The following PLA2G12A variants were observed in gnomAD, a reference collection of about 807,000 sequenced individuals.
PLA2G12A encodes group XIIA secretory phospholipase A2.
Under a neutral mutation model 16.0 loss-of-function variants are expected in PLA2G12A, and 11 were observed. The ratio of observed to expected loss-of-function variants is 0.69; its 90% CI spans 0.43 to 1.13. The LOEUF (loss-of-function observed/expected upper bound fraction) is 1.13, where lower values mean the gene tolerates loss of function less well. PLA2G12A is among the 50% of genes most tolerant of loss of function. The probability of loss-of-function intolerance (pLI) is 0.00; values close to 1 mark genes in which losing one functional copy is unlikely to be tolerated. For missense variants in PLA2G12A, 214 were observed against 237.3 expected (o/e 0.90, Z 0.65); for synonymous variants, 77 against 93.8 (o/e 0.82, Z 1.03).
At position 109,712,236 on chromosome 4, in the gene PLA2G12A, A is replaced by T. The variant is rs1016964351; in HGVS notation, c.*2141T>A. The T allele has an allele frequency of 6.6e-6, 1 of 152,234 alleles. No individual in the cohort carries two copies. The highest frequency in any genetic ancestry group is 6.5e-5 in the Admixed American group (1 of 15,276). 9.4% of individuals were successfully genotyped at this position (152,234 alleles called of 1,614,324 possible). On this transcript the variant is annotated 3_prime_UTR_variant, in exon 4 of 4. Coordinates refer to ENST00000243501, the MANE Select transcript of PLA2G12A (RefSeq NM_030821.5). ...TGCTTCATGGTTAAATAAAAGGTTA[A>T]CACTGGGGGAACTGGGTGAGTGGTC...
intron 1 of PLA2G12A, among the ~76,000 whole-genome samples, chr4:109,726,782 C>T (rs182930194): frequency 6.6e-6 from 1 of 152,196 alleles, no homozygotes; most frequent in Admixed American, 6.5e-5. Flanking sequence ...ATTTATTTCC[C>T]TAAATACTTA....
chr4:109,719,577 C>T (rs1730885947), intron 1 of PLA2G12A, among the ~76,000 whole-genome samples: 1 of 152,198 alleles, frequency 6.6e-6, no homozygotes, highest in African/African-American at 2.4e-5. Context: ...AGAAACACCT[C>T]ACCTCATTTA....
chr4:109,723,732 C>T (rs532707328), intron 1 of PLA2G12A, among the ~76,000 whole-genome samples: 1 of 152,220 alleles, frequency 6.6e-6, no homozygotes, highest in East Asian at 1.9e-4. Context: ...TAGAGATACA[C>T]ACTAAGAAAT....
intron 3 of PLA2G12A, among the ~76,000 whole-genome samples, chr4:109,716,044 C>T (rs1380946148): frequency 6.6e-6 from 1 of 152,180 alleles, no homozygotes; most frequent in Non-Finnish European, 1.5e-5. Flanking sequence ...AGTGGAGAGG[C>T]TATGACTATT....
intron 1 of PLA2G12A, among the ~76,000 whole-genome samples, chr4:109,724,228 C>A (rs1456950577): frequency 6.6e-6 from 1 of 152,140 alleles, no homozygotes; most frequent in Non-Finnish European, 1.5e-5. Context: ...TGGGTTCAAG[C>A]GATTCTTCTG....
intron 1 of PLA2G12A, among the ~76,000 whole-genome samples, chr4:109,723,682 G>A (rs1227975175): frequency 1.3e-5 from 2 of 152,172 alleles, no homozygotes; most frequent in African/African-American, 4.8e-5. Context: ...TTCGTCAGGG[G>A]TTTTGACAAT....
rs941028809 is a variant in PLA2G12A, at chr4:109,729,988, G to C, written c.-179C>G. On this transcript the variant is annotated 5_prime_UTR_variant, in exon 1 of 4. Transcript: ENST00000243501. ...CGCTGTCTTTACGTGAACCGCCTCG[G>C]GCAGGCAGCGCCGTCGCGGGGACGC... is the stretch of plus-strand genomic sequence containing the variant. 1 of 567,920 alleles carries C rather than the reference G, an allele frequency of 1.8e-6. No homozygotes were observed. Among genetic ancestry groups the C allele is most frequent in the Non-Finnish European group, 2.9e-6 (1 of 339,204 alleles). 35.2% of individuals were successfully genotyped at this position (567,920 alleles called of 1,614,324 possible).
In PLA2G12A at chr4:109,714,006, A is replaced by G. The variant is rs1018117252; in HGVS notation, c.*371T>C. 1 of 171,508 alleles carries G rather than the reference A, an allele frequency of 5.8e-6. No homozygotes were observed. Among genetic ancestry groups the G allele is most frequent in the African/African-American group, 2.4e-5 (1 of 42,196 alleles). The allele number at this position is 171,508 out of a possible 1,614,324, so 10.6% of individuals were successfully genotyped here. ...CATTTTCCAAATAAGATAATGTTGA[A>G]CAGACATTATGATGAATTTTATATT... On this transcript the variant is annotated 3_prime_UTR_variant, in exon 4 of 4. Transcript: ENST00000243501.
At chr4:109,720,507 G>A (rs1042651201) in intron 1 of PLA2G12A, among the ~76,000 whole-genome samples, 1 of 145,022 alleles carries the variant, frequency 6.9e-6, no homozygotes, top group African/African-American at 2.6e-5. Context: ...CACTTTGGGA[G>A]GTTGAGGTGC....
chr4:109,723,986 A>T (rs1722869267), intron 1 of PLA2G12A, among the ~76,000 whole-genome samples: 1 of 152,174 alleles, frequency 6.6e-6, no homozygotes, highest in Non-Finnish European at 1.5e-5. Flanking sequence ...GACACCTTGT[A>T]CATTCTCCCT....
At chr4:109,720,149 A>G (rs1730897025) in intron 1 of PLA2G12A, among the ~76,000 whole-genome samples, 1 of 152,190 alleles carries the variant, frequency 6.6e-6, no homozygotes, top group African/African-American at 2.4e-5. Flanking sequence ...TTGGGGAAAC[A>G]GAAAAATAAG....
rs574317447 is a variant in PLA2G12A at position 109,711,597 on chromosome 4, T to G, written c.*2780A>C. 1 of 152,160 alleles carries G rather than the reference T, an allele frequency of 6.6e-6. No individual in the cohort carries two copies. Among genetic ancestry groups the G allele is most frequent in the Non-Finnish European group, 1.5e-5 (1 of 68,034 alleles). 9.4% of individuals were successfully genotyped at this position (152,160 alleles called of 1,614,324 possible). On this transcript the variant is annotated 3_prime_UTR_variant, in exon 4 of 4. Transcript: ENST00000243501. ...ATACAAAATATACATGAGTCCATACTGATGTAAACAAATTAGGGTGGGAGG... is the reference window on the plus strand; with the variant it reads ...ATACAAAATATACATGAGTCCATACGGATGTAAACAAATTAGGGTGGGAGG...
intron 1 of PLA2G12A, among the ~76,000 whole-genome samples, chr4:109,724,364 C>T (rs1281618132): frequency 6.6e-6 from 1 of 151,948 alleles, no homozygotes; most frequent in Non-Finnish European, 1.5e-5. Flanking sequence ...ACAGGTGATC[C>T]GCCTGCCTCA....
chr4:109,716,480 C>A (rs1730829287), intron 3 of PLA2G12A, among the ~76,000 whole-genome samples: 1 of 152,138 alleles, frequency 6.6e-6, no homozygotes, highest in Non-Finnish European at 1.5e-5. Context: ...ATGTTATTTT[C>A]CTTTCCTGCC....
chr4:109,717,501 C>T (rs368353492), intron 3 of PLA2G12A, 47 bp downstream of exon 3: 1 of 1,550,306 alleles, frequency 6.5e-7, no homozygotes, highest in Non-Finnish European at 8.9e-7. Context: ...GCATTTGATA[C>T]AACTTTAAAA....
In PLA2G12A at chr4:109,729,882, G is replaced by A. The variant is rs1275062626; in HGVS notation, c.-73C>T. On this transcript the variant is annotated 5_prime_UTR_variant, in exon 1 of 4. Transcript: ENST00000243501. The stretch of plus-strand genomic sequence containing the variant: ...CGTCCCCACAGAGTCCCCAGGACGC[G>A]CTAGGCAGCGGCGCGGGCCCCGGAC... 9 of 1,343,674 alleles carry A rather than the reference G, an allele frequency of 6.7e-6. No individual in the cohort carries two copies. The South Asian group carries it at 1.4e-4, about 20-fold the overall frequency. 83.2% of individuals were successfully genotyped at this position (1,343,674 alleles called of 1,614,324 possible). A position where few individuals can be genotyped will look rare whatever the true frequency, so the allele number is the denominator to read the frequency against.
intron 1 of PLA2G12A, among the ~76,000 whole-genome samples, chr4:109,721,955 G>A (rs1730953128): frequency 1.3e-5 from 2 of 151,956 alleles, no homozygotes; most frequent in South Asian, 4.2e-4. Flanking sequence ...AGCCACAATG[G>A]ATTATTGCTA....
Position 109,717,590 on chromosome 4 carries a change from G to A in PLA2G12A, c.409C>T (p.Arg137Ter), listed in dbSNP as rs1296033628. 10 of 1,613,794 alleles carry A rather than the reference G, an allele frequency of 6.2e-6. No homozygotes were observed. Among genetic ancestry groups the A allele is most frequent in the Admixed American group, 5.0e-5 (3 of 60,012 alleles). Residue 137 changes from arginine (R) to a stop codon, truncating the protein, a stop_gained, in exon 3 of 4, where the codon CGA (arginine) becomes TGA (stop). Transcript: ENST00000243501. LOFTEE classifies it high-confidence loss of function. Reference protein sequence around the residue: ...EFQYCLSKICRDVQKTLGLTQ... With the variant: ...EFQYCLSKIC Reference sequence around the variant, plus strand: ...AGTCCTAGTGTTTTCTGTACATCTCGGCAGATCTTGGAGAGGCAATACTGG... The same window carrying A: ...AGTCCTAGTGTTTTCTGTACATCTCAGCAGATCTTGGAGAGGCAATACTGG...
chr4:109,714,302 T>G lies in PLA2G12A; in HGVS notation c.*75A>C. 1.0e-6 allele frequency: 1 copy of G among 953,380 alleles called. No homozygotes were observed. The highest frequency in any genetic ancestry group is 1.7e-6 in the Non-Finnish European group (1 of 594,158). 59.1% of individuals were successfully genotyped at this position (953,380 alleles called of 1,614,324 possible). On this transcript the variant is annotated 3_prime_UTR_variant, in exon 4 of 4. Transcript: ENST00000243501. ...CTTTCACAAAAATAAGACAGTTTTATGTTGTAAAAACATTAGTTATTTGTC... is the reference window on the plus strand; with the variant it reads ...CTTTCACAAAAATAAGACAGTTTTAGGTTGTAAAAACATTAGTTATTTGTC...
Sources: allele counts gnomAD v4.1 joint callset (sites outside exome capture counted in the v4.1 genomes callset), GRCh38; gene constraint gnomAD v4.1.1; transcripts MANE v1.5; gene names NCBI Gene and HGNC (gene_info 2026-07-23, HGNC 2026-07-21).